Variants in DHCR7 observed in about 807,000 individuals in gnomAD.
DHCR7 encodes the protein 7-dehydrocholesterol reductase.
Under a neutral mutation model 43.3 loss-of-function variants are expected in DHCR7, and 40 were observed. The ratio of observed to expected loss-of-function variants is 0.92; its 90% CI spans 0.72 to 1.20. The LOEUF (loss-of-function observed/expected upper bound fraction) is 1.20. Ranked by LOEUF, DHCR7 falls within the 50% of genes most tolerant of loss-of-function variation. DHCR7 has a pLI of 0.00. For missense variants in DHCR7, 608 were observed against 644.6 expected (o/e 0.94, Z 0.62); for synonymous variants, 298 against 271.4 (o/e 1.10, Z -0.96).
chr11:71,437,671 T>A, intron 8 of DHCR7, 141 bp downstream of exon 8: 1 of 1,253,178 alleles, frequency 8.0e-7, no homozygotes, highest in Non-Finnish European at 1.1e-6. Flanking sequence ...CTGGCTGAGC[T>A]GGCTAATACA....
At position 71,441,470 on chromosome 11, in the gene DHCR7, G is replaced by A. The variant is rs542565312; in HGVS notation, c.413-30C>T. On this transcript the variant is annotated intron_variant, in intron 5 of 8. Coordinates refer to ENST00000355527, the MANE Select transcript of DHCR7 (RefSeq NM_001360.3). ...AGATGAAGGATTCAGAAATGAAGGC[G>A]CTTTCCCAACCCGCAGTGAGGAGCT... The A allele has an allele frequency of 3.1e-5, 49 of 1,567,922 alleles. 1 individual carries two copies. The Middle Eastern group carries it at 5.2e-4, about 17-fold the overall frequency.
chr11:71,443,075 C>G (rs1163011811), intron 4 of DHCR7, among the ~76,000 whole-genome samples: 1 of 152,202 alleles, frequency 6.6e-6, no homozygotes, highest in East Asian at 1.9e-4. Flanking sequence ...TGACTGGCTT[C>G]TCTCGCTCAG....
chr11:71,442,548 C>T (rs1197160880), intron 4 of DHCR7, among the ~76,000 whole-genome samples, 195 bp from the exon 5 acceptor site: 1 of 152,170 alleles, frequency 6.6e-6, no homozygotes, highest in East Asian at 1.9e-4. Context: ...AGGGAAGGTG[C>T]CAAGGCGTTC....
At position 71,436,625 on chromosome 11, in the gene DHCR7, T is replaced by C. The variant is rs186924567; in HGVS notation, c.964-786A>G. 5.7e-4 allele frequency among the ~76,000 whole-genome samples: 86 copies of C among 151,350 alleles called. 1 individual carries two copies. The East Asian group carries it at 0.015, about 26-fold the overall frequency. On this transcript the variant is annotated intron_variant, in intron 8 of 8. Transcript: ENST00000355527. ...TTGCAGTGAGCCAAGATCACACCACTGCACTCTAGCCTGTGTGACAGAGCG... is the reference window on the plus strand; with the variant it reads ...TTGCAGTGAGCCAAGATCACACCACCGCACTCTAGCCTGTGTGACAGAGCG...
At chr11:71,440,158 G>A (rs1467311681) in intron 6 of DHCR7, among the ~76,000 whole-genome samples, 3 of 152,166 alleles carry the variant, frequency 2.0e-5, no homozygotes, top group Non-Finnish European at 1.5e-5. Flanking sequence ...GTTCAGAAGT[G>A]TCACCCAGGA....
At chr11:71,443,966 C>T (rs1009702977) in intron 4 of DHCR7, 27 bp downstream of exon 4, 27 of 1,593,004 alleles carry the variant, frequency 1.7e-5, no homozygotes, top group Non-Finnish European at 2.1e-5. Context: ...CCTGCTGTGT[C>T]CCAACCCCAG....
downstream of DHCR7, among the ~76,000 whole-genome samples, chr11:71,432,635 CCA>C (rs960262988): frequency 8.5e-5 from 13 of 152,180 alleles, no homozygotes; most frequent in Admixed American, 7.2e-4. Flanking sequence ...CCATGCTGTG[CCA>C]CAGATCTCAG....
intron 3 of DHCR7, among the ~76,000 whole-genome samples, chr11:71,444,516 T>C (rs1347139193): frequency 1.3e-5 from 2 of 152,104 alleles, no homozygotes; most frequent in East Asian, 3.8e-4. Flanking sequence ...CAGTTCCAGG[T>C]CGGAGAGGAT....
downstream of DHCR7, among the ~76,000 whole-genome samples, chr11:71,431,491 C>T (rs1175221153): frequency 6.6e-6 from 1 of 152,208 alleles, no homozygotes; most frequent in African/African-American, 2.4e-5. Context: ...AAACAGCCCT[C>T]CCTGCAGGCA....
At chr11:71,433,678 G>A (rs968140286), downstream of DHCR7, among the ~76,000 whole-genome samples, 5 of 152,174 alleles carry the variant, frequency 3.3e-5, no homozygotes, top group Non-Finnish European at 7.4e-5. Context: ...CGCAGGCAGG[G>A]AGGCCCGGAT....
intron 2 of DHCR7, among the ~76,000 whole-genome samples, chr11:71,429,215 C>T (rs1475636597): frequency 6.6e-6 from 1 of 152,184 alleles, no homozygotes; most frequent in Non-Finnish European, 1.5e-5. Context: ...GTGGGCATGG[C>T]TATTGCTGTG....
At chr11:71,430,414 G>A (rs1024590481), downstream of DHCR7, among the ~76,000 whole-genome samples, 4 of 152,230 alleles carry the variant, frequency 2.6e-5, no homozygotes, top group Admixed American at 1.3e-4. Context: ...CAGACTAGGC[G>A]TGTTGCAGCA....
intron 7 of DHCR7, 119 bp downstream of exon 7, chr11:71,438,760 G>A (rs1385506677): frequency 7.4e-6 from 8 of 1,086,996 alleles, no homozygotes; most frequent in African/African-American, 4.7e-5. Context: ...CACCTGGGGA[G>A]GGCAGCTGAC....
intron 6 of DHCR7, among the ~76,000 whole-genome samples, chr11:71,439,296 A>T (rs935861189): frequency 2.6e-5 from 4 of 152,142 alleles, no homozygotes; most frequent in Non-Finnish European, 5.9e-5. Context: ...CTTTGCATTC[A>T]GCTGCTGCTC....
At chr11:71,433,231 G>C (rs1486019067), downstream of DHCR7, among the ~76,000 whole-genome samples, 2 of 152,236 alleles carry the variant, frequency 1.3e-5, no homozygotes, top group African/African-American at 4.8e-5. Flanking sequence ...GGAACAGAAT[G>C]CTCTCTGTAC....
In DHCR7 at chr11:71,448,382, G is replaced by T. The variant is rs945953379; in HGVS notation, c.-224C>A. ...GCCGCCTACCCTCTAGCCAGGGGTC[G>T]GAGTCACCCGCAGGGCAGGGGCGCC... On this transcript the variant is annotated 5_prime_UTR_variant, in exon 1 of 9. Coordinates refer to ENST00000355527, the MANE Select transcript of DHCR7 (RefSeq NM_001360.3). 1 of 152,544 alleles carries T rather than the reference G, an allele frequency of 6.6e-6. No homozygotes were observed. The highest frequency in any genetic ancestry group is 6.5e-5 in the Admixed American group (1 of 15,288). 9.4% of individuals were successfully genotyped at this position (152,544 alleles called of 1,614,324 possible). A position where few individuals can be genotyped will look rare whatever the true frequency, so the allele number is the denominator to read the frequency against.
At chr11:71,448,785 G>C (rs1949433204), upstream of DHCR7, 1 of 152,304 alleles carries the variant, frequency 6.6e-6, no homozygotes, top group Admixed American at 6.5e-5. Context: ...TTGATGGAGC[G>C]TATGTCCAGG....
downstream of DHCR7, among the ~76,000 whole-genome samples, chr11:71,430,259 C>T (rs1444412207): frequency 2.0e-5 from 3 of 152,284 alleles, no homozygotes; most frequent in Middle Eastern, 6.8e-3. Flanking sequence ...GGTCCTTTCA[C>T]GGGACTCACA....
At chr11:71,437,414 G>A (rs940754302) in intron 8 of DHCR7, among the ~76,000 whole-genome samples, 38 of 152,296 alleles carry the variant, frequency 2.5e-4, no homozygotes, top group Middle Eastern at 3.4e-3. Flanking sequence ...AGCTGGGAGG[G>A]GAGTGGGGGG....
Sources: allele counts gnomAD v4.1 joint callset (sites outside exome capture counted in the v4.1 genomes callset), GRCh38; gene constraint gnomAD v4.1.1; transcripts MANE v1.5; gene names NCBI Gene and HGNC (gene_info 2026-07-23, HGNC 2026-07-21).